The following HMCN1 variants were observed in gnomAD, a reference collection of about 807,000 sequenced individuals.
The protein encoded by HMCN1 is hemicentin-1.
HMCN1 carries 321 observed loss-of-function variants against 625.9 expected under a neutral mutation model. The ratio of observed to expected loss-of-function variants is 0.51; its 90% CI spans 0.47 to 0.56. The LOEUF is 0.56. HMCN1 is among the 20% of genes least tolerant of loss of function. The pLI, the probability that HMCN1 is intolerant of heterozygous loss-of-function variation, is 0.00. For missense variants in HMCN1, 6,588 were observed against 6,887.3 expected (o/e 0.96, Z 1.54); for synonymous variants, 2,425 against 2,417.6 (o/e 1.00, Z -0.09).
chr1:186,056,293 G>A (rs184399464), intron 45 of HMCN1, among the ~76,000 whole-genome samples: 1 of 152,098 alleles, frequency 6.6e-6, no homozygotes, highest in Non-Finnish European at 1.5e-5. Flanking sequence ...TGCAGCCAAC[G>A]TGTGTGCCAA....
chr1:186,073,287 T>G (rs1338466925), intron 52 of HMCN1, among the ~76,000 whole-genome samples: 1 of 152,174 alleles, frequency 6.6e-6, no homozygotes, highest in Non-Finnish European at 1.5e-5. Context: ...TGAATGTCAT[T>G]GGTGACCTTG....
intron 93 of HMCN1, among the ~76,000 whole-genome samples, chr1:186,148,511 T>C (rs918805824): frequency 7.2e-5 from 11 of 152,112 alleles, no homozygotes; most frequent in African/African-American, 2.7e-4. Context: ...AATATTTCTT[T>C]CTGTTTTTTT....
chr1:185,916,749 C>G (rs1320271288), intron 6 of HMCN1, among the ~76,000 whole-genome samples: 1 of 152,100 alleles, frequency 6.6e-6, no homozygotes, highest in African/African-American at 2.4e-5. Flanking sequence ...AGGAGGAATT[C>G]TCCCTGGCTT....
chr1:186,159,125 TCTC>T lies in HMCN1; in HGVS notation c.15256+5141_15256+5143del, dbSNP rs1274422473. Among the ~76,000 whole-genome samples, 51 of 151,524 alleles carry T rather than the reference TCTC, an allele frequency of 3.4e-4. 1 individual carries two copies. Among genetic ancestry groups the T allele is most frequent in the African/African-American group, 1.2e-3 (48 of 41,494 alleles). On this transcript the variant is annotated intron_variant, in intron 97 of 106. Transcript: ENST00000271588. ...ATTTCATTGAGCAGTGGTTTGTAGT[TCTC>T]CTTGAAGAGGTCCTTCACATCCCTT...
intron 1 of HMCN1, among the ~76,000 whole-genome samples, chr1:185,777,585 G>A (rs1656707353): frequency 2.0e-5 from 3 of 152,200 alleles, no homozygotes; most frequent in South Asian, 4.1e-4. Context: ...CTGAGTAGCT[G>A]GGACTACAGG....
chr1:186,070,721 T>C lies in HMCN1; in HGVS notation c.8103T>C (p.Ile2701=), dbSNP rs143271285. The change falls in exon 52 of 107, where the codon ATT becomes ATC. Residue 2701 remains isoleucine, a synonymous_variant. Coordinates refer to ENST00000271588, the MANE Select transcript of HMCN1 (RefSeq NM_031935.3). ...CCTTGGAATGTGAAGCGTATGCAAT[T>C]CCTTCTGCCTCCCTCAGCTGGTACA... The part of the protein sequence containing the change: ...TLTLECEAYA[I]PSASLSWYKD... 2.8e-3 allele frequency: 4,525 copies of C among 1,613,878 alleles called. 114 individuals carry two copies. The South Asian group carries it at 0.036, about 13-fold the overall frequency.
chr1:186,074,185 C>T (rs891606894), intron 52 of HMCN1, among the ~76,000 whole-genome samples: 13 of 151,694 alleles, frequency 8.6e-5, no homozygotes, highest in African/African-American at 2.7e-4. Context: ...CACCATAATA[C>T]GAATATATGT....
chr1:185,739,536 GT>G (rs1244519976), intron 1 of HMCN1, among the ~76,000 whole-genome samples: 1 of 152,104 alleles, frequency 6.6e-6, no homozygotes, highest in Non-Finnish European at 1.5e-5. Flanking sequence ...GTTTTAATGA[GT>G]TACTTCATAG....
At chr1:186,162,684 AC>A (rs1651584799) in intron 97 of HMCN1, among the ~76,000 whole-genome samples, 1 of 152,078 alleles carries the variant, frequency 6.6e-6, no homozygotes, top group Non-Finnish European at 1.5e-5. Context: ...TCCACTCCAG[AC>A]CCTGTTTGCC....
At position 186,189,863 on chromosome 1, in the gene HMCN1, C is replaced by T. The variant is rs200759463; in HGVS notation, c.16893C>T (p.Ser5631=). 3.1e-5 allele frequency: 50 copies of T among 1,613,546 alleles called. No homozygotes were observed. The highest frequency in any genetic ancestry group is 1.7e-4 in the Middle Eastern group (1 of 6,000). Residue 5631 remains serine, a synonymous_variant, in exon 107 of 107, where the codon TCC becomes TCT. Coordinates refer to ENST00000271588, the MANE Select transcript of HMCN1 (RefSeq NM_031935.3). The part of the protein sequence containing the change: ...QTTFIVYIAV[S]AYPY ...CATTCATAGTTTATATAGCTGTGTC[C>T]GCCTATCCATACTAAGGAACTCTCC...
At chr1:185,831,439 A>G (rs563952679) in intron 1 of HMCN1, among the ~76,000 whole-genome samples, 7 of 152,302 alleles carry the variant, frequency 4.6e-5, no homozygotes, top group African/African-American at 1.4e-4. Context: ...ATCCAGTATC[A>G]TCCTTAGCGG....
intron 46 of HMCN1, among the ~76,000 whole-genome samples, chr1:186,058,286 G>A (rs1657476129): frequency 6.6e-6 from 1 of 151,910 alleles, no homozygotes; most frequent in South Asian, 2.1e-4. Flanking sequence ...AATTGTGTTA[G>A]TTTCTCAGTA....
chr1:186,137,512 T>C lies in HMCN1; in HGVS notation c.13597T>C (p.Ser4533Pro), dbSNP rs769800647. 5.0e-6 allele frequency: 8 copies of C among 1,613,550 alleles called. No individual in the cohort carries two copies. The highest frequency in any genetic ancestry group is 6.8e-6 in the Non-Finnish European group (8 of 1,179,858). ...TTTATTTGCAGTTCATGGTGGATTT[T>C]CCCAGTGGTCTGCATGGAGAGCCTG... ...PVIVQVHGGF[S>P]QWSAWRACSV... is the part of the protein sequence containing the mutation. Residue 4533 changes from serine (S) to proline (P), a missense_variant, in exon 88 of 107, where the codon TCC becomes CCC. Transcript: ENST00000271588.
intron 38 of HMCN1, among the ~76,000 whole-genome samples, chr1:186,039,436 C>T (rs1013594329): frequency 6.6e-6 from 1 of 151,498 alleles, no homozygotes; most frequent in Admixed American, 6.6e-5. Flanking sequence ...ACACACACGC[C>T]TAGAAATCAA....
intron 2 of HMCN1, among the ~76,000 whole-genome samples, chr1:185,859,019 A>ATGTGTGTGTG (rs71101981): frequency 1.4e-5 from 2 of 139,906 alleles, no homozygotes; most frequent in Admixed American, 7.3e-5. Flanking sequence ...TGGGTTAAAG[A>ATGTGTGTGTG]TGTGTGTGTG....
At chr1:185,833,730 A>G (rs1444857224) in intron 1 of HMCN1, among the ~76,000 whole-genome samples, 2 of 152,152 alleles carry the variant, frequency 1.3e-5, no homozygotes, top group Non-Finnish European at 2.9e-5. Flanking sequence ...TTTAGGATTA[A>G]GTACCATAAT....
intron 1 of HMCN1, 119 bp from the exon 2 acceptor site, chr1:185,845,907 A>G (rs1417476956): frequency 1.3e-5 from 9 of 697,532 alleles, no homozygotes; most frequent in Non-Finnish European, 2.3e-5. Context: ...TTGGTATTTT[A>G]CTATTTCTTA....
intron 71 of HMCN1, among the ~76,000 whole-genome samples, chr1:186,110,723 A>G (rs576063321): frequency 9.2e-5 from 14 of 152,256 alleles, no homozygotes; most frequent in African/African-American, 3.4e-4. Context: ...TAGGGGAGGT[A>G]TGAGACCCAG....
intron 4 of HMCN1, among the ~76,000 whole-genome samples, chr1:185,883,822 G>C (rs1310329758): frequency 7.2e-6 from 1 of 138,288 alleles, no homozygotes; most frequent in Non-Finnish European, 1.5e-5. Context: ...TTAGTTGCTA[G>C]TTCTATCATT....
Sources: gnomAD v4.1 joint callset for allele counts (sites outside exome capture counted in the v4.1 genomes callset) on GRCh38, gnomAD v4.1.1 for gene constraint, MANE v1.5 for transcripts, NCBI Gene and HGNC (gene_info 2026-07-23, HGNC 2026-07-21) for gene names.